The following DCC variants were observed in gnomAD, a reference collection of about 807,000 sequenced individuals.
The protein encoded by DCC is netrin receptor DCC.
DCC carries 58 observed loss-of-function variants against 172.5 expected under a neutral mutation model. That is an observed-to-expected ratio of 0.34 (90% CI 0.27 to 0.42). DCC has a LOEUF of 0.42. DCC is among the 10% of genes least tolerant of loss of function. DCC has a pLI of 1.00. For synonymous variants in DCC, 709 were observed against 644.5 expected (o/e 1.10, Z -1.52); for missense variants, 1,740 against 1,791.0 (o/e 0.97, Z 0.51).
intron 11 of DCC, among the ~76,000 whole-genome samples, chr18:53,212,060 A>T (rs1399059389): frequency 2.6e-5 from 4 of 152,028 alleles, no homozygotes; most frequent in African/African-American, 7.3e-5. Context: ...AATAAATTAG[A>T]ATTATTTTGG....
chr18:52,771,483 T>C (rs1204259710), intron 2 of DCC, among the ~76,000 whole-genome samples: 1 of 152,148 alleles, frequency 6.6e-6, no homozygotes. Context: ...TCCTATACTC[T>C]ATGGAGGGAC....
At chr18:53,369,115 A>C (rs1434889392) in intron 15 of DCC, among the ~76,000 whole-genome samples, 5 of 151,946 alleles carry the variant, frequency 3.3e-5, no homozygotes, top group Admixed American at 6.6e-5. Flanking sequence ...TTTCTTTTGC[A>C]GTGCTTAATT....
intron 2 of DCC, among the ~76,000 whole-genome samples, chr18:52,863,726 TTAATC>T (rs1179794027): frequency 2.0e-5 from 3 of 152,042 alleles, no homozygotes; most frequent in Non-Finnish European, 4.4e-5. Flanking sequence ...TTACAGCTAT[TTAATC>T]TATTTTTAAC....
At chr18:53,185,461 G>C (rs1199685384) in intron 9 of DCC, among the ~76,000 whole-genome samples, 1 of 152,156 alleles carries the variant, frequency 6.6e-6, no homozygotes, top group Non-Finnish European at 1.5e-5. Flanking sequence ...AAATTTAAAA[G>C]TATTGAAATA....
At chr18:52,436,387 G>T (rs975126014) in intron 1 of DCC, among the ~76,000 whole-genome samples, 25 of 152,086 alleles carry the variant, frequency 1.6e-4, no homozygotes, top group African/African-American at 5.6e-4. Context: ...GGAACAAAAG[G>T]GCCCTTTATG....
At chr18:52,608,164 C>A (rs1010696874) in intron 1 of DCC, among the ~76,000 whole-genome samples, 6 of 152,078 alleles carry the variant, frequency 3.9e-5, no homozygotes, top group Non-Finnish European at 5.9e-5. Context: ...ACTTACCATT[C>A]CCTTTATAAA....
chr18:52,672,541 C>T (rs1426604441), intron 1 of DCC, among the ~76,000 whole-genome samples: 3 of 151,744 alleles, frequency 2.0e-5, no homozygotes, highest in Non-Finnish European at 4.4e-5. Flanking sequence ...TCCTTTCTTT[C>T]TTCCTTCTAA....
chr18:52,438,544 A>G (rs1413063141), intron 1 of DCC, among the ~76,000 whole-genome samples: 1 of 152,252 alleles, frequency 6.6e-6, no homozygotes, highest in East Asian at 1.9e-4. Flanking sequence ...GTTCCAAACA[A>G]AAGTTTTAAA....
rs111959460 is a variant in DCC at position 53,098,156 on chromosome 18, G to T, written c.1261+31990G>T. On this transcript the variant is annotated intron_variant, in intron 7 of 28. Transcript: ENST00000442544. ...TTTTGACTTATATCATCTCAAAATT[G>T]TTAGCTCAGTGTAGAATGGTACTAT... Among the ~76,000 whole-genome samples the T allele has an allele frequency of 9.4e-3, 1,431 of 151,960 alleles. 30 individuals are homozygous for T. The highest frequency in any genetic ancestry group is 0.032 in the African/African-American group (1,331 of 41,460).
chr18:52,622,564 T>G (rs2034499884), intron 1 of DCC, among the ~76,000 whole-genome samples: 1 of 152,170 alleles, frequency 6.6e-6, no homozygotes, highest in African/African-American at 2.4e-5. Flanking sequence ...GGACCTTCTC[T>G]TTCTTTCCAT....
intron 1 of DCC, among the ~76,000 whole-genome samples, chr18:52,700,850 T>C (rs2036112447): frequency 6.6e-6 from 1 of 152,240 alleles, no homozygotes; most frequent in Non-Finnish European, 1.5e-5. Flanking sequence ...AGTAGCTGTG[T>C]ACCTTAAAGT....
chr18:52,998,110 A>C (rs908536609), intron 5 of DCC, among the ~76,000 whole-genome samples: 2 of 151,976 alleles, frequency 1.3e-5, no homozygotes, highest in Non-Finnish European at 2.9e-5. Flanking sequence ...AAATTAAATT[A>C]AAAGTTGAGT....
At position 52,447,819 on chromosome 18, in the gene DCC, A is replaced by G. The variant is rs371590981; in HGVS notation, c.91+106941A>G. ...CTTTTAAACAAGTAGATCTCATGAGAACTCACTCACTATTGAGAGGATAGT... is the reference window on the plus strand; with the variant it reads ...CTTTTAAACAAGTAGATCTCATGAGGACTCACTCACTATTGAGAGGATAGT... On this transcript the variant is annotated intron_variant, in intron 1 of 28. Coordinates refer to ENST00000442544, the MANE Select transcript of DCC (RefSeq NM_005215.4). Among the ~76,000 whole-genome samples, 22 of 152,180 alleles carry G rather than the reference A, an allele frequency of 1.4e-4. 2 individuals are homozygous for G. The East Asian group carries it at 3.1e-3, about 21-fold the overall frequency.
chr18:52,653,698 T>G (rs2035189033), intron 1 of DCC, among the ~76,000 whole-genome samples: 1 of 152,196 alleles, frequency 6.6e-6, no homozygotes, highest in African/African-American at 2.4e-5. Flanking sequence ...TTTGACTTTC[T>G]GATCATTTAG....
intron 12 of DCC, among the ~76,000 whole-genome samples, chr18:53,305,253 G>T (rs2057186629): frequency 6.6e-6 from 1 of 152,132 alleles, no homozygotes; most frequent in Admixed American, 6.5e-5. Flanking sequence ...AATATTAGTT[G>T]ACATCTCTCA....
At chr18:53,096,856 TATC>T (rs1224544421) in intron 7 of DCC, among the ~76,000 whole-genome samples, 1 of 152,200 alleles carries the variant, frequency 6.6e-6, no homozygotes, top group Admixed American at 6.5e-5. Flanking sequence ...ATGCTAAAAA[TATC>T]ATAACTACTT....
intron 2 of DCC, among the ~76,000 whole-genome samples, chr18:52,834,843 T>G (rs767162574): frequency 3.3e-5 from 5 of 152,090 alleles, no homozygotes; most frequent in Non-Finnish European, 5.9e-5. Context: ...AAAGGTAAGT[T>G]TTCTTGTTGG....
chr18:53,379,100 G>A (rs1476012790), intron 15 of DCC, among the ~76,000 whole-genome samples: 2 of 152,198 alleles, frequency 1.3e-5, no homozygotes, highest in Non-Finnish European at 1.5e-5. Context: ...TGGGGTCAAA[G>A]GTGTTCAGTA....
chr18:53,074,441 C>T (rs1179430912), intron 7 of DCC, among the ~76,000 whole-genome samples: 1 of 152,100 alleles, frequency 6.6e-6, no homozygotes, highest in Non-Finnish European at 1.5e-5. Context: ...TCATAAGCTT[C>T]CCTAGAACGT....
Sources: allele counts gnomAD v4.1 joint callset (sites outside exome capture counted in the v4.1 genomes callset), GRCh38; gene constraint gnomAD v4.1.1; transcripts MANE v1.5; gene names NCBI Gene and HGNC (gene_info 2026-07-23, HGNC 2026-07-21).